Variants in XKR4 observed in about 807,000 individuals in gnomAD.
The protein encoded by XKR4 is XK related 4.
In XKR4, 12 loss-of-function variants were observed where a neutral mutation model predicts 53.9. The observed-to-expected ratio is 0.22, with a 90% confidence interval of 0.14 to 0.36. XKR4 has a LOEUF of 0.36. Among genes scored for constraint, XKR4 ranks in the 10% least tolerant of loss-of-function variants. The pLI, the probability that XKR4 is intolerant of heterozygous loss-of-function variation, is 1.00. For missense variants in XKR4, 799 were observed against 859.5 expected (o/e 0.93, Z 0.88); for synonymous variants, 354 against 362.4 (o/e 0.98, Z 0.26).
chr8:55,121,164 G>A (rs1816385840), intron 1 of XKR4, among the ~76,000 whole-genome samples: 2 of 152,322 alleles, frequency 1.3e-5, no homozygotes, highest in South Asian at 2.1e-4. Context: ...TATGAGCAAG[G>A]CTGCTATAAA....
At chr8:55,450,011 G>A in intron 2 of XKR4, 1 of 789,396 alleles carries the variant, frequency 1.3e-6, no homozygotes, top group Non-Finnish European at 2.2e-6. Flanking sequence ...CGGTGGTGAG[G>A]TGCGGTGGAC....
chr8:55,124,042 G>A (rs942621941), intron 1 of XKR4, among the ~76,000 whole-genome samples: 6 of 152,082 alleles, frequency 3.9e-5, no homozygotes, highest in Admixed American at 2.0e-4. Flanking sequence ...TTAAAACAAG[G>A]TGAGTTTTCT....
At chr8:55,453,715 C>A (rs1050206665) in intron 2 of XKR4, 1 of 388,650 alleles carries the variant, frequency 2.6e-6, no homozygotes, top group Non-Finnish European at 5.0e-6. Flanking sequence ...CCGGCCTCTG[C>A]ATGTTGTGCA....
intron 1 of XKR4, among the ~76,000 whole-genome samples, chr8:55,159,696 A>T (rs1056966625): frequency 4.6e-5 from 7 of 152,262 alleles, no homozygotes. Flanking sequence ...ACATCAAAAA[A>T]AGGCAAGATA....
chr8:55,275,989 A>G (rs969377767), intron 1 of XKR4, among the ~76,000 whole-genome samples: 1 of 152,194 alleles, frequency 6.6e-6, no homozygotes, highest in African/African-American at 2.4e-5. Flanking sequence ...TCATGTTAAC[A>G]TTTTGATGCC....
At chr8:55,151,794 T>C (rs1233719536) in intron 1 of XKR4, among the ~76,000 whole-genome samples, 2 of 152,166 alleles carry the variant, frequency 1.3e-5, no homozygotes, top group Non-Finnish European at 2.9e-5. Flanking sequence ...TATCCTCATA[T>C]CATTAAATAG....
rs1052052533 is a variant in XKR4, at chr8:55,537,218, G to A, written c.*12991G>A. The A allele has an allele frequency of 6.6e-6, 1 of 152,098 alleles. No individual in the cohort carries two copies. Among genetic ancestry groups the A allele is most frequent in the African/African-American group, 2.4e-5 (1 of 41,386 alleles). The allele number at this position is 152,098 out of a possible 1,614,324, so 9.4% of individuals were successfully genotyped here. ...ATTTAGTGATATCTTTGTAGTCATC[G>A]TTAAAATTCCTGGGAAAAAAAGAAA... On this transcript the variant is annotated 3_prime_UTR_variant, in exon 3 of 3. Transcript: ENST00000327381.
chr8:55,450,822 C>T (rs945446099), intron 2 of XKR4: 15 of 499,256 alleles, frequency 3.0e-5, no homozygotes, highest in African/African-American at 3.0e-4. Context: ...TGGTGATGTC[C>T]CAGCCGTCCT....
intron 2 of XKR4, among the ~76,000 whole-genome samples, chr8:55,380,797 G>T (rs943278618): frequency 3.3e-5 from 5 of 152,226 alleles, no homozygotes; most frequent in Non-Finnish European, 7.3e-5. Flanking sequence ...TCTAGTAACT[G>T]CTCTGTGCTT....
At chr8:55,141,255 G>A (rs941679906) in intron 1 of XKR4, among the ~76,000 whole-genome samples, 1 of 152,114 alleles carries the variant, frequency 6.6e-6, no homozygotes, top group Admixed American at 6.5e-5. Context: ...TCGCAGGACC[G>A]CCTCCCTCCT....
Position 55,102,429 on chromosome 8 carries a change from G to A in XKR4, c.-60G>A. Reference sequence around the variant, plus strand: ...GGGCGAGGCGAGGAGGTGGCGGGAGGAGGAGACAGCGGGGAAAGGTGTCAG... The same window carrying A: ...GGGCGAGGCGAGGAGGTGGCGGGAGAAGGAGACAGCGGGGAAAGGTGTCAG... On this transcript the variant is annotated 5_prime_UTR_variant, in exon 1 of 3. Coordinates refer to ENST00000327381, the MANE Select transcript of XKR4 (RefSeq NM_052898.2). The surrounding 1 kb of genome is among the most constrained non-coding windows in gnomAD (Gnocchi z 5.1). The A allele has an allele frequency of 6.7e-7, 1 of 1,496,340 alleles. No individual in the cohort carries two copies. Among genetic ancestry groups the A allele is most frequent in the Non-Finnish European group, 9.0e-7 (1 of 1,114,474 alleles). 92.7% of individuals were successfully genotyped at this position (1,496,340 alleles called of 1,614,324 possible). A position where few individuals can be genotyped will look rare whatever the true frequency, so the allele number is the denominator to read the frequency against.
At chr8:55,445,868 C>T (rs190623257) in intron 2 of XKR4, among the ~76,000 whole-genome samples, 70 of 152,304 alleles carry the variant, frequency 4.6e-4, no homozygotes, top group Admixed American at 2.8e-3. Flanking sequence ...GTGTTCAGTA[C>T]GAAGCCTTGC....
intron 1 of XKR4, among the ~76,000 whole-genome samples, chr8:55,154,577 C>G (rs1371975538): frequency 6.6e-6 from 1 of 152,132 alleles, no homozygotes; most frequent in Non-Finnish European, 1.5e-5. Flanking sequence ...GACAGTTAAC[C>G]TGCACCCATT....
At chr8:55,179,586 C>G (rs1401987939) in intron 1 of XKR4, among the ~76,000 whole-genome samples, 4 of 152,160 alleles carry the variant, frequency 2.6e-5, no homozygotes, top group Non-Finnish European at 5.9e-5. Flanking sequence ...GAGTATGTTT[C>G]AGCTTTGCAT....
At chr8:55,123,545 G>A (rs1204808802) in intron 1 of XKR4, among the ~76,000 whole-genome samples, 1 of 152,212 alleles carries the variant, frequency 6.6e-6, no homozygotes, top group Non-Finnish European at 1.5e-5. Flanking sequence ...CATTGTCTAA[G>A]TCTGCCTGTT....
chr8:55,373,445 G>A (rs1020958014), intron 2 of XKR4, among the ~76,000 whole-genome samples: 2 of 152,170 alleles, frequency 1.3e-5, no homozygotes, highest in Non-Finnish European at 2.9e-5. Flanking sequence ...AGGATTACAG[G>A]CATGAACCAC....
chr8:55,409,426 G>A (rs938617041), intron 2 of XKR4, among the ~76,000 whole-genome samples: 5 of 152,226 alleles, frequency 3.3e-5, no homozygotes, highest in Admixed American at 2.0e-4. Context: ...TAACCAGAGT[G>A]AGCTTCAGTC....
intron 1 of XKR4, among the ~76,000 whole-genome samples, chr8:55,304,858 C>T (rs1446269224): frequency 6.6e-6 from 1 of 152,086 alleles, no homozygotes; most frequent in African/African-American, 2.4e-5. Flanking sequence ...GGTAGCTCTT[C>T]CTCCATCCCT....
At chr8:55,158,899 G>C (rs376567745) in intron 1 of XKR4, among the ~76,000 whole-genome samples, 2 of 152,134 alleles carry the variant, frequency 1.3e-5, no homozygotes, top group African/African-American at 4.8e-5. Context: ...AGTGTATGTC[G>C]AAGTCAGGTA....
Sources: gnomAD v4.1 joint callset for allele counts (sites outside exome capture counted in the v4.1 genomes callset) on GRCh38, gnomAD v4.1.1 for gene constraint, Gnocchi (gnomAD v3.1) non-coding constraint, MANE v1.5 for transcripts, NCBI Gene and HGNC (gene_info 2026-07-23, HGNC 2026-07-21) for gene names.